KLHDC4: variants seen among roughly 807,000 people sequenced by gnomAD.
KLHDC4 encodes the protein kelch domain containing 4.
KLHDC4 carries 90 observed loss-of-function variants against 62.4 expected under a neutral mutation model. The ratio of observed to expected loss-of-function variants is 1.44; its 90% CI spans 1.22 to 1.72. The LOEUF is 1.72. Among genes scored for constraint, KLHDC4 ranks in the 40% most tolerant of loss-of-function variants. The probability of loss-of-function intolerance (pLI) is 0.00; values close to 1 mark genes in which losing one functional copy is unlikely to be tolerated. For missense variants in KLHDC4, 1,025 were observed against 699.7 expected (o/e 1.47, Z -5.25); for synonymous variants, 386 against 284.4 (o/e 1.36, Z -3.59).
exon 1 of KLHDC4, chr16:87,698,361 ACTCCTGCTCTGTGCAGCTCTC>A (rs2033989892): frequency 1.1e-5 from 1 of 88,272 alleles, no homozygotes; most frequent in Admixed American, 9.6e-5. Context: ...CCAAATAAAG[ACTCCTGCTCTGTGCAGCTCTC>A]AGACTCCTGC....
intron 8 of KLHDC4, 86 bp from the exon 9 acceptor site, chr16:87,711,529 C>A (rs1019707766): frequency 2.1e-5 from 25 of 1,187,602 alleles, no homozygotes; most frequent in Non-Finnish European, 2.7e-5. Context: ...ACCCCAGGTG[C>A]CCCCCAGAAT....
chr16:87,705,043 C>T (rs1390129333), downstream of KLHDC4, among the ~76,000 whole-genome samples: 3 of 152,192 alleles, frequency 2.0e-5, no homozygotes, highest in Admixed American at 6.5e-5. Flanking sequence ...CCTGGTACGC[C>T]CGCCCACCCT....
downstream of KLHDC4, among the ~76,000 whole-genome samples, chr16:87,706,678 G>T (rs924916555): frequency 1.3e-5 from 2 of 152,232 alleles, no homozygotes; most frequent in Admixed American, 6.5e-5. Context: ...CTTGGGGCCA[G>T]TTCAAGTGCC....
chr16:87,748,878 G>A, intron 4 of KLHDC4, 69 bp from the exon 5 acceptor site: 1 of 1,587,402 alleles, frequency 6.3e-7, no homozygotes, highest in Non-Finnish European at 8.6e-7. Context: ...TGGGTGACCG[G>A]TAGTGGTGAG....
chr16:87,721,748 G>A (rs1391473186), intron 7 of KLHDC4, among the ~76,000 whole-genome samples: 4 of 152,340 alleles, frequency 2.6e-5, no homozygotes, highest in East Asian at 1.9e-4. Context: ...ACGGCCTCGC[G>A]GTAACAGTGG....
At chr16:87,709,839 G>T (rs2035424835) in intron 9 of KLHDC4, 172 bp from the exon 10 acceptor site, 1 of 724,308 alleles carries the variant, frequency 1.4e-6, no homozygotes. Flanking sequence ...CTGGGCTGCA[G>T]GAGCACGCTC....
rs146200414 is a variant in KLHDC4, at chr16:87,709,426, G to A, written c.1286C>T (p.Pro429Leu). The A allele has an allele frequency of 2.0e-5, 32 of 1,612,804 alleles. No individual in the cohort carries two copies. The highest frequency in any genetic ancestry group is 1.8e-4 in the East Asian group (8 of 44,892). The change falls in exon 10 of 12, where the codon CCG becomes CTG. Residue 429 changes from proline (P) to leucine (L), a missense_variant. Physicochemically the swap from Pro to Leu is moderately conservative, Grantham distance 98. Transcript: ENST00000270583. ...CAGCATGGCGTTGGAGCGTGGACAC[G>A]GCCCAGGTGCGGGGCTGCCGGCCTC... ...LEEAGSPAPG[P>L]CPRSNAMLAV...
intron 5 of KLHDC4, among the ~76,000 whole-genome samples, chr16:87,735,296 T>C (rs1171026154): frequency 7.3e-6 from 1 of 137,434 alleles, no homozygotes; most frequent in East Asian, 2.1e-4. Flanking sequence ...CGAGACTCCG[T>C]CTCAAAAAAA....
chr16:87,762,195 A>T, intron 1 of KLHDC4, 155 bp from the exon 2 acceptor site: 1 of 1,428,910 alleles, frequency 7.0e-7, no homozygotes, highest in Non-Finnish European at 9.2e-7. Flanking sequence ...GCAGAGTTTG[A>T]CACATTCGAA....
intron 7 of KLHDC4, among the ~76,000 whole-genome samples, chr16:87,725,485 T>G (rs1281150929): frequency 6.6e-6 from 1 of 152,172 alleles, no homozygotes; most frequent in Non-Finnish European, 1.5e-5. Context: ...AAAATCTTAA[T>G]AGCAGGATCT....
At chr16:87,736,357 G>T (rs926945483) in intron 5 of KLHDC4, among the ~76,000 whole-genome samples, 1 of 152,174 alleles carries the variant, frequency 6.6e-6, no homozygotes, top group African/African-American at 2.4e-5. Context: ...CAGAAACATC[G>T]TGAGGCAGCC....
At chr16:87,717,191 A>G (rs375207755) in intron 7 of KLHDC4, among the ~76,000 whole-genome samples, 1 of 152,242 alleles carries the variant, frequency 6.6e-6, no homozygotes, top group African/African-American at 2.4e-5. Context: ...AGATCATGCC[A>G]CTGCACTCCA....
At chr16:87,745,045 CTGT>C (rs2042837784) in intron 5 of KLHDC4, among the ~76,000 whole-genome samples, 1 of 152,232 alleles carries the variant, frequency 6.6e-6, no homozygotes. Flanking sequence ...GTTCTGCATC[CTGT>C]TTTTTGTATA....
chr16:87,762,816 C>A (rs1247164811), intron 1 of KLHDC4, among the ~76,000 whole-genome samples: 1 of 152,136 alleles, frequency 6.6e-6, no homozygotes, highest in Non-Finnish European at 1.5e-5. Flanking sequence ...CCATGCACAC[C>A]CGAGCCTGGC....
At chr16:87,711,549 G>A in intron 8 of KLHDC4, 106 bp from the exon 9 acceptor site, 2 of 936,496 alleles carry the variant, frequency 2.1e-6, no homozygotes, top group East Asian at 5.3e-5. Flanking sequence ...TGGGGTAAAT[G>A]AAAACCGTGA....
intron 5 of KLHDC4, among the ~76,000 whole-genome samples, chr16:87,748,293 A>T (rs1286440615): frequency 6.6e-6 from 1 of 152,212 alleles, no homozygotes; most frequent in African/African-American, 2.4e-5. Context: ...ACACAGAAAG[A>T]ACGTGCCTTT....
intron 5 of KLHDC4, chr16:87,747,775 G>T (rs937212136): frequency 6.6e-6 from 1 of 152,250 alleles, no homozygotes; most frequent in African/African-American, 2.4e-5. Flanking sequence ...AATACAGCTG[G>T]GGACCAAACT....
At chr16:87,733,343 G>A (rs1400122777) in intron 5 of KLHDC4, among the ~76,000 whole-genome samples, 2 of 152,232 alleles carry the variant, frequency 1.3e-5, no homozygotes, top group Non-Finnish European at 2.9e-5. Context: ...AGGCGCTCGG[G>A]CAGCAGGTGC....
intron 7 of KLHDC4, 127 bp from the exon 8 acceptor site, chr16:87,714,700 C>A: frequency 1.0e-6 from 1 of 971,324 alleles, no homozygotes; most frequent in Non-Finnish European, 1.6e-6. Flanking sequence ...AGCCCCAAAG[C>A]TCCAAAGCGT....
Sources: allele counts gnomAD v4.1 joint callset (sites outside exome capture counted in the v4.1 genomes callset), GRCh38; gene constraint gnomAD v4.1.1; transcripts MANE v1.5; gene names NCBI Gene and HGNC (gene_info 2026-07-23, HGNC 2026-07-21).